Variants in VPS54 observed in about 807,000 individuals in gnomAD.
The protein encoded by VPS54 is vacuolar protein sorting-associated protein 54.
VPS54 carries 45 observed loss-of-function variants against 121.5 expected under a neutral mutation model. The observed-to-expected ratio is 0.37, with a 90% CI of 0.29 to 0.47. The LOEUF (loss-of-function observed/expected upper bound fraction) is 0.47, where lower values mean the gene tolerates loss of function less well. Ranked by LOEUF, VPS54 falls within the 20% of genes least tolerant of loss-of-function variation. The probability of loss-of-function intolerance (pLI) is 0.99; values close to 1 mark genes in which losing one functional copy is unlikely to be tolerated. For synonymous variants in VPS54, 371 were observed against 385.8 expected, an observed-to-expected ratio of 0.96 and a Z score of 0.45; for missense variants, 1,090 against 1,131.4, an observed-to-expected ratio of 0.96 and a Z score of 0.52.
intron 1 of VPS54, among the ~76,000 whole-genome samples, chr2:64,008,078 TG>T (rs1366904014): frequency 6.6e-6 from 1 of 151,014 alleles, no homozygotes; most frequent in African/African-American, 2.4e-5. Flanking sequence ...TGACCATATT[TG>T]TAGGCAAACA....
At chr2:63,958,354 T>C (rs1376746471) in intron 7 of VPS54, among the ~76,000 whole-genome samples, 1 of 152,200 alleles carries the variant, frequency 6.6e-6, no homozygotes, top group East Asian at 1.9e-4. Flanking sequence ...CATTATTTGC[T>C]ACTAATGACT....
At chr2:63,977,634 A>G (rs984752594) in intron 3 of VPS54, among the ~76,000 whole-genome samples, 1 of 152,182 alleles carries the variant, frequency 6.6e-6, no homozygotes, top group South Asian at 2.1e-4. Context: ...TACAGCCCTT[A>G]GTATATTAAA....
At chr2:63,936,273 T>A (rs1181658109) in intron 11 of VPS54, among the ~76,000 whole-genome samples, 1 of 152,190 alleles carries the variant, frequency 6.6e-6, no homozygotes, top group Non-Finnish European at 1.5e-5. Context: ...TTTTAAAGAT[T>A]TGCTGATTAT....
At chr2:63,934,264 T>G (rs535480975) in intron 11 of VPS54, among the ~76,000 whole-genome samples, 1 of 152,232 alleles carries the variant, frequency 6.6e-6, no homozygotes, top group East Asian at 1.9e-4. Flanking sequence ...AAAATGGAAA[T>G]CTCCCTAAAA....
chr2:63,933,545 A>G, intron 12 of VPS54, 128 bp downstream of exon 12: 1 of 804,194 alleles, frequency 1.2e-6, no homozygotes, highest in Non-Finnish European at 1.9e-6. Flanking sequence ...CGTTTCATAA[A>G]ATTAATATAT....
chr2:63,948,050 C>G (rs1423536530), intron 8 of VPS54, among the ~76,000 whole-genome samples: 1 of 152,084 alleles, frequency 6.6e-6, no homozygotes, highest in Non-Finnish European at 1.5e-5. Context: ...AGGCTGGTCT[C>G]AAATTCCTGG....
intron 12 of VPS54, among the ~76,000 whole-genome samples, chr2:63,927,897 G>A (rs536283215): frequency 4.5e-4 from 69 of 152,200 alleles, no homozygotes; most frequent in African/African-American, 1.6e-3. Context: ...TCAATCAAGT[G>A]GAAGAAAGGG....
chr2:63,894,279 A>G (rs868822365), intron 22 of VPS54, among the ~76,000 whole-genome samples: 3 of 152,380 alleles, frequency 2.0e-5, no homozygotes, highest in Non-Finnish European at 4.4e-5. Context: ...CAATTCACTT[A>G]TAGGTATATG....
At chr2:63,997,328 G>A (rs1399752188) in intron 1 of VPS54, among the ~76,000 whole-genome samples, 1 of 152,120 alleles carries the variant, frequency 6.6e-6, no homozygotes, top group African/African-American at 2.4e-5. Flanking sequence ...AGCCATTCAG[G>A]TTCTGGACTT....
chr2:63,984,919 G>A (rs1329525130), intron 1 of VPS54, among the ~76,000 whole-genome samples: 2 of 152,164 alleles, frequency 1.3e-5, no homozygotes, highest in Admixed American at 1.3e-4. Context: ...AAACAGAGAA[G>A]AATAGAAAGG....
intron 12 of VPS54, among the ~76,000 whole-genome samples, chr2:63,924,132 G>A (rs942449500): frequency 2.6e-5 from 4 of 152,214 alleles, no homozygotes; most frequent in Admixed American, 6.5e-5. Context: ...GGAGGGGAAG[G>A]ATAAAAACTG....
At chr2:63,916,797 T>C in intron 16 of VPS54, 103 bp downstream of exon 16, 1 of 1,131,240 alleles carries the variant, frequency 8.8e-7, no homozygotes, top group African/African-American at 1.6e-5. Flanking sequence ...TTTAACACTG[T>C]TAAAACTGTT....
Position 63,944,536 on chromosome 2 carries a change from T to C in VPS54, c.1301+64A>G, listed in dbSNP as rs1674888249. 1.2e-5 allele frequency: 17 copies of C among 1,451,932 alleles called. No individual in the cohort carries two copies. The South Asian group carries it at 1.5e-4, about 13-fold the overall frequency. 89.9% of individuals were successfully genotyped at this position (1,451,932 alleles called of 1,614,324 possible). A position where few individuals can be genotyped will look rare whatever the true frequency, so the allele number is the denominator to read the frequency against. On this transcript the variant is annotated intron_variant, in intron 10 of 22. Transcript: ENST00000272322. ...CCTTAACGAAATCTACTTCGAATTA[T>C]TCTAATTTACATCTATCATCTTTTC...
At chr2:63,942,769 A>G (rs985800216) in intron 10 of VPS54, among the ~76,000 whole-genome samples, 1 of 152,198 alleles carries the variant, frequency 6.6e-6, no homozygotes, top group African/African-American at 2.4e-5. Context: ...ACTATATCAT[A>G]TATCAATTTC....
chr2:64,007,159 T>C (rs973940511), intron 1 of VPS54, among the ~76,000 whole-genome samples: 1 of 152,054 alleles, frequency 6.6e-6, no homozygotes, highest in African/African-American at 2.4e-5. Flanking sequence ...CACCAAAGCA[T>C]AGAAAAATGA....
intron 12 of VPS54, among the ~76,000 whole-genome samples, chr2:63,923,069 T>A (rs1479765044): frequency 6.6e-6 from 1 of 152,128 alleles, no homozygotes; most frequent in Non-Finnish European, 1.5e-5. Flanking sequence ...ATCCCAGCAC[T>A]TTGGAAGGCC....
intron 1 of VPS54, among the ~76,000 whole-genome samples, chr2:63,997,365 T>A (rs1677645690): frequency 6.6e-6 from 1 of 152,188 alleles, no homozygotes; most frequent in African/African-American, 2.4e-5. Context: ...TCATCACAAC[T>A]TTTATCTTAT....
At chr2:63,953,431 C>A (rs771051914) in intron 7 of VPS54, among the ~76,000 whole-genome samples, 1 of 152,126 alleles carries the variant, frequency 6.6e-6, no homozygotes, top group Non-Finnish European at 1.5e-5. Flanking sequence ...CGCTACCCAG[C>A]CACCCCTAGG....
chr2:64,003,938 CTT>C (rs1678005214), intron 1 of VPS54, among the ~76,000 whole-genome samples: 2 of 152,198 alleles, frequency 1.3e-5, no homozygotes, highest in Non-Finnish European at 2.9e-5. Context: ...AACCAGGACT[CTT>C]TGAAAGAATA....
Sources: allele counts gnomAD v4.1 joint callset (sites outside exome capture counted in the v4.1 genomes callset), GRCh38; gene constraint gnomAD v4.1.1; transcripts MANE v1.5; gene names NCBI Gene and HGNC (gene_info 2026-07-23, HGNC 2026-07-21).